The following TMEM182 variants were observed in gnomAD, a reference collection of about 807,000 sequenced individuals.
TMEM182 encodes the protein transmembrane protein 182.
TMEM182 carries 20 observed loss-of-function variants against 26.8 expected under a neutral mutation model. The observed-to-expected ratio is 0.75, with a 90% CI of 0.53 to 1.09. The LOEUF is 1.09. Ranked by LOEUF, TMEM182 falls within the 50% of genes least tolerant of loss-of-function variation. The probability of loss-of-function intolerance (pLI) is 0.00; values close to 1 mark genes in which losing one functional copy is unlikely to be tolerated. For missense variants in TMEM182, 277 were observed against 275.5 expected, an observed-to-expected ratio of 1.01 and a Z score of -0.04; for synonymous variants, 109 against 102.2, an observed-to-expected ratio of 1.07 and a Z score of -0.40.
intron 4 of TMEM182, among the ~76,000 whole-genome samples, chr2:102,798,602 G>GCTAA (rs1681981753): frequency 6.6e-6 from 1 of 152,124 alleles, no homozygotes; most frequent in African/African-American, 2.4e-5. Context: ...ACTTTGGGAG[G>GCTAA]CTAAGGTGGG....
rs77869316 is a variant in TMEM182 at position 102,782,530 on chromosome 2, G to A, written c.332-15333G>A. ...AATCATACTTTACTTTTTATATATT[G>A]CCCCCTTGAATCTTAATACACTACC... On this transcript the variant is annotated intron_variant, in intron 3 of 4. Transcript: ENST00000412401. Among the ~76,000 whole-genome samples, 1,033 of 151,794 alleles carry A rather than the reference G, an allele frequency of 6.8e-3. 5 individuals are homozygous for A. Among genetic ancestry groups the A allele is most frequent in the African/African-American group, 0.023 (969 of 41,370 alleles).
intron 3 of TMEM182, among the ~76,000 whole-genome samples, chr2:102,779,643 T>A (rs141731642): frequency 6.6e-6 from 1 of 152,340 alleles, no homozygotes; most frequent in East Asian, 1.9e-4. Context: ...TTTTAGTAAT[T>A]ATATCTTCCA....
chr2:102,784,517 G>T (rs552479146), intron 3 of TMEM182, among the ~76,000 whole-genome samples: 1 of 152,294 alleles, frequency 6.6e-6, no homozygotes, highest in South Asian at 2.1e-4. Context: ...TTATAGAAAA[G>T]GTGTCCAGAT....
At position 102,764,328 on chromosome 2, in the gene TMEM182, GCC is replaced by G. The variant is rs772332201; in HGVS notation, c.233_234del (p.Thr78LysfsTer29). On this transcript the variant is annotated frameshift_variant and splice_region_variant, in exon 3 of 5. Coordinates refer to ENST00000412401, the MANE Select transcript of TMEM182 (RefSeq NM_144632.5). LOFTEE classifies it high-confidence loss of function. The stretch of plus-strand genomic sequence containing the variant: ...TGCCATTGTTTTGCTGTTCTTCCTA[GCC>G]AATCAGCCACCGTCCAAGAACTGCA... ...NDSNIWKFWY[T>X]NQPPSKNCTH... The G allele has an allele frequency of 1.9e-6, 3 of 1,613,502 alleles. No homozygotes were observed. The highest frequency in any genetic ancestry group is 2.5e-6 in the Non-Finnish European group (3 of 1,179,772).
intron 1 of TMEM182, among the ~76,000 whole-genome samples, chr2:102,741,230 G>A (rs1231713736): frequency 6.6e-6 from 1 of 152,164 alleles, no homozygotes. Context: ...TAACTAGTAG[G>A]ATGACTTCAG....
chr2:102,772,107 C>T (rs558229256), intron 3 of TMEM182, among the ~76,000 whole-genome samples: 1 of 152,312 alleles, frequency 6.6e-6, no homozygotes, highest in South Asian at 2.1e-4. Context: ...CCTTCCACTG[C>T]CTTCTTTCAT....
chr2:102,762,448 T>C, intron 1 of TMEM182, 99 bp downstream of exon 1: 1 of 1,554,524 alleles, frequency 6.4e-7, no homozygotes, highest in South Asian at 1.2e-5. Context: ...TGTCTATTTC[T>C]TCATGGAAGA....
chr2:102,797,628 G>T (rs1359288605), intron 3 of TMEM182: 3 of 477,056 alleles, frequency 6.3e-6, no homozygotes, highest in East Asian at 7.2e-5. Context: ...CATGTGTGTG[G>T]TACAAACATT....
In TMEM182 at chr2:102,830,954, G is replaced by A. The variant is rs6717551; in HGVS notation, c.326-12458G>A. 6.2e-3 allele frequency among the ~76,000 whole-genome samples: 949 copies of A among 152,242 alleles called. 6 individuals are homozygous for A. Among genetic ancestry groups the A allele is most frequent in the African/African-American group, 0.022 (905 of 41,528 alleles). On this transcript the variant is annotated intron_variant, in intron 3 of 3. Transcript: ENST00000486293. ...AAATCCCACAAATAAGTGAGAACACGTGATGTTTGTCTTTCTGTGCCTGGC... is the reference window on the plus strand; with the variant it reads ...AAATCCCACAAATAAGTGAGAACACATGATGTTTGTCTTTCTGTGCCTGGC...
chr2:102,805,198 C>T (rs541228852), intron 4 of TMEM182, among the ~76,000 whole-genome samples: 4 of 152,246 alleles, frequency 2.6e-5, no homozygotes, highest in East Asian at 1.9e-4. Context: ...TTATTTTCCC[C>T]GCATTGCTCT....
chr2:102,830,891 T>TA (rs1188033676), intron 3 of TMEM182, among the ~76,000 whole-genome samples: 1 of 152,168 alleles, frequency 6.6e-6, no homozygotes, highest in Non-Finnish European at 1.5e-5. Context: ...ATCATCCTTC[T>TA]ACTCTCTATG....
Position 102,816,974 on chromosome 2 carries a change from T to C in TMEM182, c.*2006T>C, listed in dbSNP as rs572801283. On this transcript the variant is annotated 3_prime_UTR_variant, in exon 5 of 5. Coordinates refer to ENST00000412401, the MANE Select transcript of TMEM182 (RefSeq NM_144632.5). ...CTACCATATATTTTTTATATGACAA[T>C]TGGCTGAATAGCTGATGTGTATGAC... 3 of 985,822 alleles carry C rather than the reference T, an allele frequency of 3.0e-6. No individual in the cohort carries two copies. Among genetic ancestry groups the C allele is most frequent in the African/African-American group, 3.5e-5 (2 of 57,358 alleles). 61.1% of individuals were successfully genotyped at this position (985,822 alleles called of 1,614,324 possible).
chr2:102,829,409 A>AAAGGTGGG (rs1434012448), intron 3 of TMEM182, among the ~76,000 whole-genome samples: 9 of 152,218 alleles, frequency 5.9e-5, no homozygotes, highest in Admixed American at 5.9e-4. Flanking sequence ...ATGGCTAAAG[A>AAAGGTGGG]AAGGTGGGTT....
rs1188471605 is a variant in TMEM182 at position 102,817,484 on chromosome 2, A to T, written c.*2516A>T. 1.0e-6 allele frequency: 1 copy of T among 985,100 alleles called. No individual in the cohort carries two copies. 61.0% of individuals were successfully genotyped at this position (985,100 alleles called of 1,614,324 possible). ...CACTCAGGTGGATGATTGCACATAC[A>T]TTGGAATTGGCTGGAGAGACTACAC... is the stretch of plus-strand genomic sequence containing the variant. On this transcript the variant is annotated 3_prime_UTR_variant, in exon 5 of 5. Coordinates refer to ENST00000412401, the MANE Select transcript of TMEM182 (RefSeq NM_144632.5).
At chr2:102,754,374 C>T (rs917305368) in intron 1 of TMEM182, among the ~76,000 whole-genome samples, 3 of 152,162 alleles carry the variant, frequency 2.0e-5, no homozygotes, top group African/African-American at 7.2e-5. Flanking sequence ...TGTATGGCCT[C>T]ATGTTGGTCA....
chr2:102,762,231 T>C lies in TMEM182; in HGVS notation c.14T>C (p.Ile5Thr). 1 of 1,612,938 alleles carries C rather than the reference T, an allele frequency of 6.2e-7. No individual in the cohort carries two copies. Among genetic ancestry groups the C allele is most frequent in the Non-Finnish European group, 8.5e-7 (1 of 1,179,310 alleles). The part of the protein sequence containing the change: MRLN[I>T]AIFFGALFGA... ...AGTGAATTGAAAATGAGACTAAATA[T>C]CGCTATCTTCTTTGGAGCTCTCTTT... The change falls in exon 1 of 5, where the codon ATC (isoleucine) becomes ACC (threonine). Residue 5 changes from isoleucine to threonine, a missense_variant. By Grantham distance (89) the Ile-to-Thr change is moderately conservative. Transcript: ENST00000412401.
At position 102,843,048 on chromosome 2, in the gene TMEM182, T is replaced by C. The variant is rs1043121652; in HGVS notation, c.326-364T>C. On this transcript the variant is annotated intron_variant, in intron 3 of 3. Coordinates refer to the TMEM182 transcript ENST00000486293. ...AAAATGGAGAGATCCTGAGATCAGA[T>C]GTCATGGACAGGTAGTCACATGAAC... 2.0e-5 allele frequency among the ~76,000 whole-genome samples: 3 copies of C among 152,176 alleles called. No homozygotes were observed. The East Asian group carries it at 5.8e-4, about 29-fold the overall frequency.
chr2:102,772,750 T>C (rs1680732481), intron 3 of TMEM182, among the ~76,000 whole-genome samples: 1 of 152,188 alleles, frequency 6.6e-6, no homozygotes, highest in Non-Finnish European at 1.5e-5. Flanking sequence ...AACCTCACAG[T>C]TGTTTTCAAA....
At chr2:102,837,183 C>T (rs1446078880) in intron 3 of TMEM182, among the ~76,000 whole-genome samples, 1 of 152,094 alleles carries the variant, frequency 6.6e-6, no homozygotes, top group Non-Finnish European at 1.5e-5. Context: ...TTAGTTCCAA[C>T]CCAATTCTAT....
Sources: allele counts gnomAD v4.1 joint callset (sites outside exome capture counted in the v4.1 genomes callset), GRCh38; gene constraint gnomAD v4.1.1; transcripts MANE v1.5; gene names NCBI Gene and HGNC (gene_info 2026-07-23, HGNC 2026-07-21).